USP32: variants seen among roughly 807,000 people sequenced by gnomAD.
USP32 encodes ubiquitin specific peptidase 32.
In USP32, 59 loss-of-function variants were observed where a neutral mutation model predicts 204.8. That is an observed-to-expected ratio of 0.29 (90% CI 0.23 to 0.36). USP32 has a LOEUF of 0.36. Ranked by LOEUF, USP32 falls within the 10% of genes least tolerant of loss-of-function variation. The pLI, the probability that USP32 is intolerant of heterozygous loss-of-function variation, is 1.00. For synonymous variants in USP32, 517 were observed against 678.4 expected (o/e 0.76, Z 3.70); for missense variants, 1,160 against 1,946.4 (o/e 0.60, Z 7.60).
chr17:60,301,367 T>C, intron 3 of USP32: 1 of 309,224 alleles, frequency 3.2e-6, no homozygotes, highest in South Asian at 4.9e-5. Context: ...ACACTTATTA[T>C]CAGGCTTTTT....
chr17:60,245,499 C>A (rs755463663), intron 11 of USP32: 1 of 340,528 alleles, frequency 2.9e-6, no homozygotes, highest in African/African-American at 2.2e-5. Context: ...TTTTTTGTTG[C>A]TGAACCTTCT....
intron 11 of USP32, among the ~76,000 whole-genome samples, chr17:60,240,451 AAG>A (rs2085846429): frequency 6.6e-6 from 1 of 151,882 alleles, no homozygotes; most frequent in South Asian, 2.1e-4. Context: ...GAGAGAAGAA[AAG>A]AGAGAGGGAG....
intron 1 of USP32, among the ~76,000 whole-genome samples, chr17:60,377,241 CTT>C (rs1398472117): frequency 1.3e-5 from 2 of 152,182 alleles, no homozygotes; most frequent in Non-Finnish European, 2.9e-5. Context: ...AGGAGGATCT[CTT>C]GAGGCCAAGA....
At chr17:60,191,933 C>T (rs767944303) in intron 28 of USP32, among the ~76,000 whole-genome samples, 2 of 152,168 alleles carry the variant, frequency 1.3e-5, no homozygotes, top group Non-Finnish European at 2.9e-5. Context: ...TCTTTAAAAA[C>T]CAAGAACAGA....
chr17:60,199,686 T>C (rs1168302270), intron 26 of USP32, among the ~76,000 whole-genome samples: 2 of 152,226 alleles, frequency 1.3e-5, no homozygotes, highest in African/African-American at 4.8e-5. Context: ...CTTAAATACA[T>C]AATTTTAAGC....
At chr17:60,317,303 C>T (rs1319299062) in intron 2 of USP32, among the ~76,000 whole-genome samples, 4 of 151,706 alleles carry the variant, frequency 2.6e-5, no homozygotes, top group African/African-American at 4.8e-5. Flanking sequence ...CACTTGAGCC[C>T]AGGAGTTTGA....
At chr17:60,391,707 A>T (rs1219707742) in intron 1 of USP32, among the ~76,000 whole-genome samples, 175 bp downstream of exon 1, 1 of 151,878 alleles carries the variant, frequency 6.6e-6, no homozygotes, top group Non-Finnish European at 1.5e-5. Context: ...TAATTCCCAA[A>T]CGCTGCTTCC....
At chr17:60,415,406 T>C (rs1315844610) in intron 1 of USP32, among the ~76,000 whole-genome samples, 1 of 152,226 alleles carries the variant, frequency 6.6e-6, no homozygotes, top group Non-Finnish European at 1.5e-5. Flanking sequence ...TGTCACAGTG[T>C]CTCCATTTGA....
chr17:60,370,598 A>C (rs1259539222), intron 1 of USP32, among the ~76,000 whole-genome samples: 1 of 149,172 alleles, frequency 6.7e-6, no homozygotes, highest in African/African-American at 2.5e-5. Context: ...CTGCCTCTAC[A>C]AAAAAAAATA....
At chr17:60,293,205 G>A (rs2087330196) in intron 4 of USP32, among the ~76,000 whole-genome samples, 1 of 152,062 alleles carries the variant, frequency 6.6e-6, no homozygotes, top group Non-Finnish European at 1.5e-5. Flanking sequence ...ACATGTGCCT[G>A]CTATTGTGTT....
chr17:60,411,431 G>A (rs948920842), intron 1 of USP32, among the ~76,000 whole-genome samples: 1 of 129,016 alleles, frequency 7.8e-6, no homozygotes, highest in African/African-American at 3.0e-5. Context: ...AGGATCACTT[G>A]AGCCCAGGAG....
At chr17:60,323,849 G>A (rs2088169176) in intron 2 of USP32, among the ~76,000 whole-genome samples, 1 of 152,158 alleles carries the variant, frequency 6.6e-6, no homozygotes, top group Non-Finnish European at 1.5e-5. Flanking sequence ...TTTCTAAAAA[G>A]CGTCAAAACA....
chr17:60,303,800 T>C (rs1393226499), intron 2 of USP32, among the ~76,000 whole-genome samples: 2 of 152,200 alleles, frequency 1.3e-5, no homozygotes, highest in South Asian at 4.1e-4. Context: ...AAGAATGCTT[T>C]GGAATGGCTC....
intron 27 of USP32, among the ~76,000 whole-genome samples, chr17:60,195,955 T>C (rs1341982946): frequency 6.6e-6 from 1 of 152,172 alleles, no homozygotes; most frequent in Non-Finnish European, 1.5e-5. Flanking sequence ...GTACCACCAT[T>C]CACAAACAAT....
At chr17:60,306,127 C>T (rs566213874) in intron 2 of USP32, among the ~76,000 whole-genome samples, 1 of 152,078 alleles carries the variant, frequency 6.6e-6, no homozygotes, top group African/African-American at 2.4e-5. Context: ...TAAATGGTCA[C>T]CTTATAATAG....
intron 2 of USP32, among the ~76,000 whole-genome samples, chr17:60,325,157 T>C (rs2088203220): frequency 6.6e-6 from 1 of 152,226 alleles, no homozygotes; most frequent in South Asian, 2.1e-4. Flanking sequence ...CTCACACTTG[T>C]AATCCCAGCA....
At chr17:60,414,179 A>G (rs1420554413) in intron 1 of USP32, among the ~76,000 whole-genome samples, 1 of 151,842 alleles carries the variant, frequency 6.6e-6, no homozygotes, top group Admixed American at 6.6e-5. Context: ...CCTGGCCAAC[A>G]TGGCAAAACC....
chr17:60,321,141 T>C (rs564894237), intron 2 of USP32, among the ~76,000 whole-genome samples: 12 of 152,302 alleles, frequency 7.9e-5, no homozygotes, highest in African/African-American at 2.9e-4. Context: ...CTCAGGAAAG[T>C]TGTCTTTTGA....
chr17:60,212,216 T>C, intron 18 of USP32, 118 bp from the exon 19 acceptor site: 1 of 829,686 alleles, frequency 1.2e-6, no homozygotes. Flanking sequence ...ATCTAGTTAA[T>C]TTTAGTACAT....
Sources: gnomAD v4.1 joint callset for allele counts (sites outside exome capture counted in the v4.1 genomes callset) on GRCh38, gnomAD v4.1.1 for gene constraint, MANE v1.5 for transcripts, NCBI Gene and HGNC (gene_info 2026-07-23, HGNC 2026-07-21) for gene names.